The following PCSK5 variants were observed in gnomAD, a reference collection of about 807,000 sequenced individuals.
PCSK5 encodes the protein proprotein convertase subtilisin/kexin type 5.
Under a neutral mutation model 233.2 loss-of-function variants are expected in PCSK5, and 129 were observed. That is an observed-to-expected ratio of 0.55 (90% CI 0.48 to 0.64). The LOEUF (loss-of-function observed/expected upper bound fraction) is 0.64. Ranked by LOEUF, PCSK5 falls within the 30% of genes least tolerant of loss-of-function variation. The pLI, the probability that PCSK5 is intolerant of heterozygous loss-of-function variation, is 0.00. For missense variants in PCSK5, 2,076 were observed against 2,430.1 expected (o/e 0.85, Z 3.06); for synonymous variants, 825 against 879.2 (o/e 0.94, Z 1.09).
At chr9:76,049,335 C>T (rs889648521) in intron 5 of PCSK5, among the ~76,000 whole-genome samples, 4 of 152,062 alleles carry the variant, frequency 2.6e-5, no homozygotes, top group Admixed American at 2.0e-4. Context: ...ATAAATTATA[C>T]GTTTTGAAGG....
intron 24 of PCSK5, among the ~76,000 whole-genome samples, chr9:76,272,562 C>G (rs1827549116): frequency 6.6e-6 from 1 of 151,778 alleles, no homozygotes; most frequent in African/African-American, 2.4e-5. Flanking sequence ...ATCACGAGGT[C>G]AGGAGATTGA....
chr9:76,153,244 A>G (rs1823747926), intron 10 of PCSK5, among the ~76,000 whole-genome samples: 1 of 152,214 alleles, frequency 6.6e-6, no homozygotes, highest in Non-Finnish European at 1.5e-5. Context: ...ACTTTCTGAA[A>G]TGTACTCCAG....
chr9:76,151,026 ATACTT>A (rs1033401427), intron 10 of PCSK5, among the ~76,000 whole-genome samples: 5 of 148,788 alleles, frequency 3.4e-5, no homozygotes, highest in Non-Finnish European at 1.5e-5. Flanking sequence ...AAAAAAAACT[ATACTT>A]AGGTGTTTAC....
chr9:75,922,373 G>C (rs564126202), intron 1 of PCSK5, among the ~76,000 whole-genome samples: 2 of 152,136 alleles, frequency 1.3e-5, no homozygotes, highest in Non-Finnish European at 2.9e-5. Context: ...CACCTTACCT[G>C]GAGTTGAGAT....
intron 20 of PCSK5, among the ~76,000 whole-genome samples, chr9:76,196,255 A>T (rs542264102): frequency 6.6e-6 from 1 of 152,198 alleles, no homozygotes. Context: ...ACCCACTAGT[A>T]TGTGTCTGTA....
intron 25 of PCSK5, among the ~76,000 whole-genome samples, chr9:76,293,607 G>A (rs928794926): frequency 2.6e-5 from 4 of 152,132 alleles, no homozygotes; most frequent in Middle Eastern, 6.3e-3. Flanking sequence ...ACACCACCAC[G>A]CCCAGCTAGT....
intron 24 of PCSK5, among the ~76,000 whole-genome samples, chr9:76,254,975 G>T (rs1333014062): frequency 6.6e-6 from 1 of 152,214 alleles, no homozygotes; most frequent in Non-Finnish European, 1.5e-5. Context: ...GGAGTGAGGT[G>T]TGGGCATCAG....
At chr9:75,997,230 C>A (rs1439091613) in intron 3 of PCSK5, among the ~76,000 whole-genome samples, 1 of 152,134 alleles carries the variant, frequency 6.6e-6, no homozygotes, top group Non-Finnish European at 1.5e-5. Context: ...TGTTGAGATT[C>A]AAGTTCTAAA....
At chr9:76,001,183 CTGTG>C (rs1827245109) in intron 3 of PCSK5, among the ~76,000 whole-genome samples, 1 of 152,154 alleles carries the variant, frequency 6.6e-6, no homozygotes, top group South Asian at 2.1e-4. Context: ...TTATCTCGCG[CTGTG>C]TACAACACTC....
intron 7 of PCSK5, among the ~76,000 whole-genome samples, chr9:76,086,357 C>A (rs56048187): frequency 0.01 from 1,568 of 152,228 alleles, 18 homozygotes; most frequent in South Asian, 0.032. Context: ...TCTGCCTGCC[C>A]CTCTTTCCAG....
chr9:76,350,132 AAGAC>A (rs1019974796), intron 35 of PCSK5, among the ~76,000 whole-genome samples: 46 of 152,076 alleles, frequency 3.0e-4, no homozygotes, highest in African/African-American at 9.4e-4. Flanking sequence ...AAAAGAAAGA[AAGAC>A]AGATCAACGG....
chr9:76,009,096 T>C (rs928376836), intron 3 of PCSK5, among the ~76,000 whole-genome samples: 1 of 152,188 alleles, frequency 6.6e-6, no homozygotes, highest in African/African-American at 2.4e-5. Context: ...TTTTTCATAG[T>C]CCGTGTGGTA....
chr9:76,193,240 CG>C (rs775197338), intron 20 of PCSK5: 24 of 1,612,530 alleles, frequency 1.5e-5, no homozygotes, highest in African/African-American at 4.0e-5. Context: ...GGAAAAGCAA[CG>C]GAAGAGTCCT....
At chr9:76,327,876 A>G in intron 32 of PCSK5, 133 bp from the exon 33 acceptor site, 1 of 708,252 alleles carries the variant, frequency 1.4e-6, no homozygotes. Flanking sequence ...GCCCCACACC[A>G]TTGGCCCAGA....
chr9:76,068,909 G>T (rs1287604886), intron 6 of PCSK5, among the ~76,000 whole-genome samples: 1 of 152,076 alleles, frequency 6.6e-6, no homozygotes, highest in Non-Finnish European at 1.5e-5. Flanking sequence ...TTTCAAGTGG[G>T]AAATAGTGTT....
In PCSK5 at chr9:76,359,082, T is replaced by G. The variant is rs1048281135; in HGVS notation, c.*160T>G. ...GAATATGTAAGAATGATGAAATACT[T>G]TGTTCTTCTTTTGAGTGGCTAAACT... On this transcript the variant is annotated 3_prime_UTR_variant, in exon 38 of 38. Transcript: ENST00000674117. The G allele has an allele frequency of 1.1e-5, 7 of 609,828 alleles. No homozygotes were observed. In the African/African-American group the frequency reaches 1.3e-4, roughly 11 times the overall value. 37.8% of individuals were successfully genotyped at this position (609,828 alleles called of 1,614,324 possible).
chr9:75,934,168 C>G (rs531921596), intron 2 of PCSK5, among the ~76,000 whole-genome samples: 1 of 148,152 alleles, frequency 6.7e-6, no homozygotes, highest in Admixed American at 6.9e-5. Context: ...GAGAGTGGGG[C>G]CATTGCAGGC....
At chr9:76,207,128 T>G (rs1299277075) in intron 20 of PCSK5, among the ~76,000 whole-genome samples, 1 of 152,204 alleles carries the variant, frequency 6.6e-6, no homozygotes, top group East Asian at 1.9e-4. Flanking sequence ...GTTTTCCTCT[T>G]CTAAGAACAC....
At chr9:76,252,052 G>A (rs4745529) in intron 24 of PCSK5, among the ~76,000 whole-genome samples, 42,513 of 151,846 alleles carry the variant, frequency 0.28, 6,955 homozygotes, top group East Asian at 0.7. Flanking sequence ...TGGATCCCAA[G>A]GTCAGGAGAT....
Sources: gnomAD v4.1 joint callset for allele counts (sites outside exome capture counted in the v4.1 genomes callset) on GRCh38, gnomAD v4.1.1 for gene constraint, MANE v1.5 for transcripts, NCBI Gene and HGNC (gene_info 2026-07-23, HGNC 2026-07-21) for gene names.